Variants in AVEN observed in about 807,000 individuals in gnomAD.
AVEN encodes the protein cell death regulator Aven.
A neutral mutation model predicts 38.1 loss-of-function variants in AVEN; 41 were observed. The observed-to-expected ratio is 1.08, with a 90% confidence interval of 0.84 to 1.40. The LOEUF (loss-of-function observed/expected upper bound fraction) is 1.40, where lower values mean the gene tolerates loss of function less well. Among genes scored for constraint, AVEN ranks in the 40% most tolerant of loss-of-function variants. AVEN has a pLI of 0.00. For missense variants in AVEN, 605 were observed against 438.8 expected (o/e 1.38, Z -3.38); for synonymous variants, 206 against 171.8 (o/e 1.20, Z -1.56).
chr15:33,871,026 G>C lies in AVEN; in HGVS notation c.521C>G (p.Ser174Ter). The change falls in exon 4 of 6, where the codon TCA becomes TGA. Residue 174 changes from serine to a stop codon, truncating the protein, a stop_gained. Coordinates refer to ENST00000306730, the MANE Select transcript of AVEN (RefSeq NM_020371.3). LOFTEE classifies it high-confidence loss of function. ...TAACTCACTATCCACATAAAATGCT[G>C]AATTCTATATATATATATAAAAGAA... ...DSEASCPKQNSAFYVDSELLV... is the reference protein window; with the variant it reads ...DSEASCPKQN The C allele has an allele frequency of 1.9e-6, 3 of 1,577,650 alleles. No homozygotes were observed. Among genetic ancestry groups the C allele is most frequent in the Non-Finnish European group, 2.6e-6 (3 of 1,157,234 alleles).
intron 2 of AVEN, chr15:33,990,867 C>G (rs1014693692): frequency 2.6e-5 from 4 of 152,136 alleles, no homozygotes; most frequent in African/African-American, 9.7e-5. Flanking sequence ...GTTAAATTAC[C>G]TAACAACAGA....
chr15:33,901,259 T>A (rs930722034), intron 2 of AVEN, among the ~76,000 whole-genome samples: 1 of 152,074 alleles, frequency 6.6e-6, no homozygotes, highest in African/African-American at 2.4e-5. Context: ...AGAGCAAGAC[T>A]CCACCTCAAA....
At chr15:33,879,818 G>C (rs1891410365) in intron 2 of AVEN, among the ~76,000 whole-genome samples, 1 of 152,056 alleles carries the variant, frequency 6.6e-6, no homozygotes, top group South Asian at 2.1e-4. Context: ...AGATACAGTA[G>C]CTACCTGGAT....
rs1891209321 is a variant in AVEN at position 33,875,962 on chromosome 15, T to C, written c.479A>G (p.Glu160Gly). The change falls in exon 3 of 6, where the codon GAG (glutamate) becomes GGG (glycine). Residue 160 changes from glutamate (E) to glycine (G), a missense_variant. Physicochemically the swap from Glu to Gly is moderately conservative, Grantham distance 98. Transcript: ENST00000306730. Reference sequence around the variant, plus strand: ...AGAAGCTTCACTATCCCATTCTTTCTCCTCAGCAAACCGGAACTGTGAGAA... The same window carrying C: ...AGAAGCTTCACTATCCCATTCTTTCCCCTCAGCAAACCGGAACTGTGAGAA... Reference protein sequence around the residue: ...DSFSQFRFAEEKEWDSEASCP... With the variant: ...DSFSQFRFAEGKEWDSEASCP... The C allele has an allele frequency of 6.2e-7, 1 of 1,613,112 alleles. No homozygotes were observed.
chr15:33,970,639 T>C (rs2140493877), intron 2 of AVEN, among the ~76,000 whole-genome samples: 1 of 152,010 alleles, frequency 6.6e-6, no homozygotes, highest in Admixed American at 6.5e-5. Context: ...AAATGAAGAA[T>C]ATTAATCAAT....
At chr15:34,003,761 C>T (rs1444673816) in intron 1 of AVEN, among the ~76,000 whole-genome samples, 1 of 152,146 alleles carries the variant, frequency 6.6e-6, no homozygotes, top group Non-Finnish European at 1.5e-5. Context: ...CATGGTACTA[C>T]ATTTATACAT....
At chr15:33,915,011 G>T (rs976191547) in intron 2 of AVEN, among the ~76,000 whole-genome samples, 1 of 152,028 alleles carries the variant, frequency 6.6e-6, no homozygotes, top group Non-Finnish European at 1.5e-5. Flanking sequence ...ATGCATACCA[G>T]AAAGAAAGTA....
chr15:34,028,992 T>G (rs1898632120), intron 1 of AVEN, among the ~76,000 whole-genome samples: 1 of 152,208 alleles, frequency 6.6e-6, no homozygotes, highest in African/African-American at 2.4e-5. Context: ...GTCTATAAAT[T>G]TATTTACTAC....
chr15:33,912,474 A>G (rs1892952592), intron 2 of AVEN, among the ~76,000 whole-genome samples: 1 of 152,264 alleles, frequency 6.6e-6, no homozygotes, highest in Admixed American at 6.5e-5. Context: ...GAGGTTCCTC[A>G]TAAAGTTACT....
chr15:33,861,089 C>T, intron 11 of AVEN: 1 of 1,588,080 alleles, frequency 6.3e-7, no homozygotes, highest in Non-Finnish European at 8.6e-7. Flanking sequence ...CTAAATGTTT[C>T]ATCTGTGGGA....
chr15:34,014,370 A>C (rs905351848), intron 1 of AVEN, among the ~76,000 whole-genome samples: 1 of 39,622 alleles, frequency 2.5e-5, no homozygotes, highest in Non-Finnish European at 1.2e-4. Flanking sequence ...ATCTCATTAA[A>C]AAAAAAAAAA....
chr15:34,074,499 G>A (rs1294297437), exon 1 of AVEN, among the ~76,000 whole-genome samples: 1 of 152,136 alleles, frequency 6.6e-6, no homozygotes, highest in Non-Finnish European at 1.5e-5. Context: ...TGATCCCTCT[G>A]AAGGAACTGA....
chr15:34,039,843 A>T (rs143671744), upstream of AVEN, among the ~76,000 whole-genome samples: 17 of 152,314 alleles, frequency 1.1e-4, no homozygotes, highest in African/African-American at 3.8e-4. Context: ...GTTAAAAAAA[A>T]CTTGACTAAA....
chr15:33,985,237 G>A (rs752623959), intron 2 of AVEN, among the ~76,000 whole-genome samples: 11 of 151,848 alleles, frequency 7.2e-5, no homozygotes, highest in Non-Finnish European at 1.5e-4. Context: ...AGAGACAAAA[G>A]GTGTCTCTGG....
At chr15:33,970,399 G>T (rs553489573) in intron 2 of AVEN, among the ~76,000 whole-genome samples, 16 of 151,994 alleles carry the variant, frequency 1.1e-4, no homozygotes, top group African/African-American at 3.9e-4. Context: ...TTTAATACAA[G>T]TAGTGATTAT....
rs1896180658 is a variant in AVEN at position 33,982,165 on chromosome 15, CA to C, written c.445+20866del. ...TACAGGCATGAACCACCACACCCAG[CA>C]CTAAATAAGAGTTATTTTAACACAT... is the stretch of plus-strand genomic sequence containing the variant. On this transcript the variant is annotated intron_variant, in intron 2 of 5. Coordinates refer to ENST00000306730, the MANE Select transcript of AVEN (RefSeq NM_020371.3). 3.9e-5 allele frequency among the ~76,000 whole-genome samples: 6 copies of C among 152,244 alleles called. No individual in the cohort carries two copies. The South Asian group carries it at 1.2e-3, about 32-fold the overall frequency.
intron 2 of AVEN, among the ~76,000 whole-genome samples, chr15:33,892,733 GTAGT>G (rs1892040554): frequency 1.8e-4 from 3 of 16,340 alleles, no homozygotes; most frequent in Admixed American, 8.7e-4. Flanking sequence ...GAACTTTAAA[GTAGT>G]TTTTTTTTTT....
At chr15:34,037,933 G>A (rs1052782960) in intron 1 of AVEN, among the ~76,000 whole-genome samples, 1 of 152,124 alleles carries the variant, frequency 6.6e-6, no homozygotes, top group Non-Finnish European at 1.5e-5. Flanking sequence ...AGATGGTCTT[G>A]TCCTACAGAT....
intron 2 of AVEN, among the ~76,000 whole-genome samples, chr15:33,905,644 C>T (rs1453560359): frequency 1.3e-5 from 2 of 151,990 alleles, no homozygotes; most frequent in African/African-American, 2.4e-5. Context: ...GGAAACATGG[C>T]GAAACCCCTT....
Sources: gnomAD v4.1 joint callset for allele counts (sites outside exome capture counted in the v4.1 genomes callset) on GRCh38, gnomAD v4.1.1 for gene constraint, MANE v1.5 for transcripts, NCBI Gene and HGNC (gene_info 2026-07-23, HGNC 2026-07-21) for gene names.